The following DIP2C variants were observed in gnomAD, a reference collection of about 807,000 sequenced individuals.
The protein encoded by DIP2C is disco-interacting protein 2 homolog C.
A neutral mutation model predicts 192.4 loss-of-function variants in DIP2C; 33 were observed. The observed-to-expected ratio is 0.17, with a 90% CI of 0.13 to 0.23. The LOEUF (loss-of-function observed/expected upper bound fraction) is 0.23. Among genes scored for constraint, DIP2C ranks in the 10% least tolerant of loss-of-function variants. The probability of loss-of-function intolerance (pLI) is 1.00; values close to 1 mark genes in which losing one functional copy is unlikely to be tolerated. For missense variants in DIP2C, 1,537 were observed against 2,110.1 expected, an observed-to-expected ratio of 0.73 and a Z score of 5.32; for synonymous variants, 979 against 864.1, an observed-to-expected ratio of 1.13 and a Z score of -2.33.
intron 3 of DIP2C, among the ~76,000 whole-genome samples, chr10:466,705 C>T (rs1381648080): frequency 1.3e-5 from 2 of 151,582 alleles, no homozygotes; most frequent in African/African-American, 2.4e-5. Context: ...AAAAAACAAC[C>T]CCATCAAAAA....
intron 17 of DIP2C, among the ~76,000 whole-genome samples, chr10:378,096 T>C (rs536952723): frequency 7.9e-5 from 12 of 152,270 alleles, no homozygotes; most frequent in Non-Finnish European, 1.6e-4. Context: ...ATTTGTCCTT[T>C]AAAAAATGTC....
chr10:352,013 C>T (rs1294153198), intron 24 of DIP2C, among the ~76,000 whole-genome samples: 1 of 152,246 alleles, frequency 6.6e-6, no homozygotes, highest in Non-Finnish European at 1.5e-5. Context: ...GCAGAATCAG[C>T]TCAGCCCCCG....
At chr10:582,449 G>A (rs1039208355) in intron 1 of DIP2C, among the ~76,000 whole-genome samples, 10 of 152,218 alleles carry the variant, frequency 6.6e-5, no homozygotes, top group African/African-American at 2.4e-4. Flanking sequence ...CAGGCATGCT[G>A]GTGCGCGCCT....
chr10:488,603 C>T (rs190789878), intron 1 of DIP2C, among the ~76,000 whole-genome samples: 1 of 152,298 alleles, frequency 6.6e-6, no homozygotes, highest in Non-Finnish European at 1.5e-5. Flanking sequence ...GTTCACGCCC[C>T]GTACATCCTC....
At chr10:489,099 A>G (rs1368549205) in intron 1 of DIP2C, among the ~76,000 whole-genome samples, 1 of 152,130 alleles carries the variant, frequency 6.6e-6, no homozygotes, top group Non-Finnish European at 1.5e-5. Flanking sequence ...CCCAAAGCCG[A>G]AGCGCTGGAT....
intron 1 of DIP2C, among the ~76,000 whole-genome samples, chr10:606,304 C>G (rs560969294): frequency 6.6e-6 from 1 of 152,326 alleles, no homozygotes; most frequent in South Asian, 2.1e-4. Flanking sequence ...CAGTCACAGC[C>G]ACACAGCTCA....
chr10:477,690 C>T (rs114718065), intron 2 of DIP2C, among the ~76,000 whole-genome samples: 4,968 of 128,212 alleles, frequency 0.039, 177 homozygotes, highest in African/African-American at 0.096. Context: ...AGGAGGAAAG[C>T]GGAGAAAAGG....
At chr10:502,558 A>C (rs189719103) in intron 1 of DIP2C, among the ~76,000 whole-genome samples, 21 of 152,244 alleles carry the variant, frequency 1.4e-4, no homozygotes, top group East Asian at 1.2e-3. Flanking sequence ...AGAAAGGAGG[A>C]AACTCAAGTC....
chr10:640,262 G>A (rs1554762986), intron 1 of DIP2C, among the ~76,000 whole-genome samples: 1 of 152,048 alleles, frequency 6.6e-6, no homozygotes, highest in Non-Finnish European at 1.5e-5. Flanking sequence ...CCCCGCCCAC[G>A]GCCACCAAGG....
intron 1 of DIP2C, among the ~76,000 whole-genome samples, chr10:657,910 C>A (rs1456939447): frequency 3.5e-5 from 5 of 141,524 alleles, no homozygotes; most frequent in Non-Finnish European, 7.6e-5. Flanking sequence ...GCTGGACCTG[C>A]CACTGGACCT....
chr10:644,948 G>C (rs1231153640), intron 1 of DIP2C, among the ~76,000 whole-genome samples: 1 of 152,248 alleles, frequency 6.6e-6, no homozygotes, highest in Non-Finnish European at 1.5e-5. Context: ...AGATGGATGA[G>C]ATGGGGAGGA....
At chr10:548,911 CAAAAAAAAAAAA>C (rs61437915) in intron 1 of DIP2C, among the ~76,000 whole-genome samples, 6 of 26,460 alleles carry the variant, frequency 2.3e-4, no homozygotes, top group East Asian at 6.6e-4. Context: ...TAGCAGCTCA[CAAAAAAAAAAAA>C]AAAAAAAAAA....
At chr10:282,333 C>T (rs1358853468) in intron 35 of DIP2C, among the ~76,000 whole-genome samples, 1 of 152,232 alleles carries the variant, frequency 6.6e-6, no homozygotes, top group East Asian at 1.9e-4. Flanking sequence ...TTCCAGGAAC[C>T]TCAGGCAGTA....
At chr10:355,361 A>G (rs1263053065) in intron 24 of DIP2C, among the ~76,000 whole-genome samples, 1 of 152,232 alleles carries the variant, frequency 6.6e-6, no homozygotes, top group East Asian at 1.9e-4. Context: ...GAATGGTCTG[A>G]TAACTGAAAC....
At chr10:600,875 G>A (rs1564252334) in intron 1 of DIP2C, among the ~76,000 whole-genome samples, 2 of 152,000 alleles carry the variant, frequency 1.3e-5, no homozygotes, top group South Asian at 2.1e-4. Context: ...AGCTTTTTCT[G>A]TAACAAAGTT....
intron 1 of DIP2C, among the ~76,000 whole-genome samples, chr10:582,910 T>A (rs1473140021): frequency 6.6e-6 from 1 of 152,240 alleles, no homozygotes; most frequent in African/African-American, 2.4e-5. Context: ...AGGTACCATT[T>A]TCAAATAAAA....
At chr10:444,546 G>A (rs1309937372) in intron 3 of DIP2C, among the ~76,000 whole-genome samples, 1 of 151,130 alleles carries the variant, frequency 6.6e-6, no homozygotes, top group Non-Finnish European at 1.5e-5. Flanking sequence ...CCCGAGACTT[G>A]TGTAGATTCT....
chr10:311,584 TGAGGACGAGAAGA>T, intron 31 of DIP2C: 1 of 1,229,716 alleles, frequency 8.1e-7, no homozygotes, highest in South Asian at 4.1e-5. Context: ...AGCAGAAGGG[TGAGGACGAGAAGA>T]GAGGAGAGAA....
chr10:639,622 A>C (rs1249163895), intron 1 of DIP2C, among the ~76,000 whole-genome samples: 2 of 152,230 alleles, frequency 1.3e-5, no homozygotes, highest in Non-Finnish European at 2.9e-5. Flanking sequence ...CATTAAACGC[A>C]TGGCAAGCTC....
Sources: gnomAD v4.1 joint callset for allele counts (sites outside exome capture counted in the v4.1 genomes callset) on GRCh38, gnomAD v4.1.1 for gene constraint, MANE v1.5 for transcripts, NCBI Gene and HGNC (gene_info 2026-07-23, HGNC 2026-07-21) for gene names.